Variants in TPRG1 observed in about 807,000 individuals in gnomAD.
TPRG1 encodes tumor protein p63-regulated gene 1 protein.
TPRG1 carries 29 observed loss-of-function variants against 29.3 expected under a neutral mutation model. The observed-to-expected ratio is 0.99, with a 90% confidence interval of 0.74 to 1.35. The LOEUF (loss-of-function observed/expected upper bound fraction) is 1.35, where lower values mean the gene tolerates loss of function less well. Among genes scored for constraint, TPRG1 ranks in the 40% most tolerant of loss-of-function variants. The pLI, the probability that TPRG1 is intolerant of heterozygous loss-of-function variation, is 0.00. For synonymous variants in TPRG1, 130 were observed against 116.8 expected, an observed-to-expected ratio of 1.11 and a Z score of -0.73; for missense variants, 327 against 335.0, an observed-to-expected ratio of 0.98 and a Z score of 0.19.
chr3:189,043,562 A>G (rs1298654224), intron 4 of TPRG1, among the ~76,000 whole-genome samples: 1 of 152,222 alleles, frequency 6.6e-6, no homozygotes, highest in African/African-American at 2.4e-5. Context: ...TTGACTTACT[A>G]AGAAGCAGAC....
chr3:189,014,610 A>G (rs1028870992), intron 3 of TPRG1, among the ~76,000 whole-genome samples: 17 of 152,290 alleles, frequency 1.1e-4, no homozygotes, highest in Admixed American at 9.8e-4. Context: ...AGGTGACTGA[A>G]TCATGGGGGA....
chr3:189,252,583 G>T (rs941469504), intron 4 of TPRG1, among the ~76,000 whole-genome samples: 5 of 152,116 alleles, frequency 3.3e-5, no homozygotes, highest in African/African-American at 1.2e-4. Flanking sequence ...GAAGACTATG[G>T]TTCCCTGACA....
intron 1 of TPRG1, among the ~76,000 whole-genome samples, chr3:189,104,210 GA>G (rs1355139273): frequency 2.0e-5 from 3 of 151,994 alleles, no homozygotes; most frequent in African/African-American, 7.3e-5. Flanking sequence ...AATAAATAAA[GA>G]AAGAAATTAA....
intron 4 of TPRG1, among the ~76,000 whole-genome samples, chr3:189,272,932 A>T (rs940330166): frequency 1.3e-5 from 2 of 152,148 alleles, no homozygotes; most frequent in East Asian, 3.9e-4. Flanking sequence ...TCTGTAATGG[A>T]ATAGCCATAG....
At chr3:189,184,649 C>T (rs902311232) in intron 1 of TPRG1, among the ~76,000 whole-genome samples, 4 of 152,170 alleles carry the variant, frequency 2.6e-5, no homozygotes, top group South Asian at 4.1e-4. Context: ...AAAGCTGTAG[C>T]TCTCTGCCTG....
At chr3:189,274,477 A>T (rs1340524649) in intron 4 of TPRG1, among the ~76,000 whole-genome samples, 1 of 152,160 alleles carries the variant, frequency 6.6e-6, no homozygotes, top group Non-Finnish European at 1.5e-5. Context: ...AACTTAAATA[A>T]GAACTTAGAC....
chr3:189,096,752 CT>C (rs1324152979), upstream of TPRG1, among the ~76,000 whole-genome samples: 1 of 152,152 alleles, frequency 6.6e-6, no homozygotes, highest in Non-Finnish European at 1.5e-5. Context: ...CTAAGTTTGG[CT>C]TAATTGAAGA....
At chr3:189,248,743 T>G (rs1034265413) in intron 4 of TPRG1, among the ~76,000 whole-genome samples, 5 of 151,242 alleles carry the variant, frequency 3.3e-5, no homozygotes, top group Non-Finnish European at 7.4e-5. Context: ...GCTTTTAAAT[T>G]TTGTTATTAA....
intron 1 of TPRG1, among the ~76,000 whole-genome samples, chr3:189,105,398 A>G (rs1719697040): frequency 6.6e-6 from 1 of 151,976 alleles, no homozygotes; most frequent in African/African-American, 2.4e-5. Flanking sequence ...AGGAATATCC[A>G]TTTCTCCACC....
chr3:189,237,221 AG>A (rs1440873383), intron 3 of TPRG1, among the ~76,000 whole-genome samples: 1 of 152,144 alleles, frequency 6.6e-6, no homozygotes, highest in Non-Finnish European at 1.5e-5. Flanking sequence ...ATTTGACTGA[AG>A]GGGATGGAGT....
At chr3:189,080,679 A>C (rs547917714) in intron 4 of TPRG1, among the ~76,000 whole-genome samples, 1 of 152,294 alleles carries the variant, frequency 6.6e-6, no homozygotes, top group East Asian at 1.9e-4. Flanking sequence ...GAGGTGCAAG[A>C]ATGAGGCATT....
At chr3:189,213,006 G>A (rs943228584) in intron 2 of TPRG1, among the ~76,000 whole-genome samples, 1 of 152,156 alleles carries the variant, frequency 6.6e-6, no homozygotes, top group Admixed American at 6.5e-5. Context: ...CAGATGATGT[G>A]TACATATTAT....
chr3:189,205,296 T>A (rs1392406467), intron 1 of TPRG1, among the ~76,000 whole-genome samples: 1 of 152,228 alleles, frequency 6.6e-6, no homozygotes, highest in Non-Finnish European at 1.5e-5. Context: ...GCAAACTGCA[T>A]AAGGCTTTCC....
intron 4 of TPRG1, among the ~76,000 whole-genome samples, chr3:189,081,246 A>G (rs1433780603): frequency 6.6e-6 from 1 of 152,118 alleles, no homozygotes; most frequent in Non-Finnish European, 1.5e-5. Flanking sequence ...GGCCATGAGA[A>G]TGAATGAGGA....
intron 4 of TPRG1, among the ~76,000 whole-genome samples, chr3:189,256,021 G>C (rs926512809): frequency 2.6e-5 from 4 of 152,002 alleles, no homozygotes; most frequent in African/African-American, 7.2e-5. Context: ...CTTCAGTTCT[G>C]CTCTGATCTT....
chr3:189,132,194 T>C (rs747426052), intron 2 of TPRG1, among the ~76,000 whole-genome samples: 3 of 152,190 alleles, frequency 2.0e-5, no homozygotes, highest in African/African-American at 4.8e-5. Context: ...AAGGTCATTT[T>C]TGCAGACATC....
intron 1 of TPRG1, among the ~76,000 whole-genome samples, chr3:189,119,132 T>C (rs192790435): frequency 1.3e-5 from 2 of 152,342 alleles, no homozygotes; most frequent in East Asian, 3.9e-4. Context: ...ACCTTTTGTA[T>C]CAGTGTGACG....
At chr3:189,114,319 G>A in intron 1 of TPRG1, among the ~76,000 whole-genome samples, 1 of 152,022 alleles carries the variant, frequency 6.6e-6, no homozygotes, top group East Asian at 1.9e-4. Flanking sequence ...TCTCCCTCTT[G>A]TCACCCAAGC....
intron 3 of TPRG1, among the ~76,000 whole-genome samples, chr3:189,012,460 C>T (rs1712653351): frequency 6.6e-6 from 1 of 152,042 alleles, no homozygotes; most frequent in African/African-American, 2.4e-5. Context: ...GTCTTGCATC[C>T]CAGGGATGAA....
Sources: allele counts gnomAD v4.1 joint callset (sites outside exome capture counted in the v4.1 genomes callset), GRCh38; gene constraint gnomAD v4.1.1; transcripts MANE v1.5; gene names NCBI Gene and HGNC (gene_info 2026-07-23, HGNC 2026-07-21).